ANO10: variants seen among roughly 807,000 people sequenced by gnomAD.
ANO10 encodes the protein anoctamin 10.
Under a neutral mutation model 74.7 loss-of-function variants are expected in ANO10, and 77 were observed. That is an observed-to-expected ratio of 1.03 (90% CI 0.86 to 1.25). The LOEUF is 1.25. ANO10 is among the 50% of genes most tolerant of loss of function. The pLI, the probability that ANO10 is intolerant of heterozygous loss-of-function variation, is 0.00. For synonymous variants in ANO10, 279 were observed against 284.9 expected, an observed-to-expected ratio of 0.98 and a Z score of 0.21; for missense variants, 721 against 778.1, an observed-to-expected ratio of 0.93 and a Z score of 0.87.
At chr3:43,407,938 A>C (rs2092604770) in intron 12 of ANO10, among the ~76,000 whole-genome samples, 1 of 152,238 alleles carries the variant, frequency 6.6e-6, no homozygotes, top group South Asian at 2.1e-4. Context: ...CTCTTGAGTC[A>C]TGCAGAGCTG....
intron 11 of ANO10, among the ~76,000 whole-genome samples, chr3:43,467,068 T>TA (rs894714623): frequency 6.3e-4 from 96 of 152,234 alleles, no homozygotes; most frequent in African/African-American, 2.1e-3. Context: ...TCAGAATGGC[T>TA]AAAAAAACTA....
intron 11 of ANO10, among the ~76,000 whole-genome samples, chr3:43,520,927 T>C (rs1011856265): frequency 6.6e-6 from 1 of 152,198 alleles, no homozygotes; most frequent in African/African-American, 2.4e-5. Flanking sequence ...ATAAATGGAA[T>C]TGTGTTCTTA....
chr3:43,589,546 G>A lies in ANO10; in HGVS notation c.472+8986C>T, dbSNP rs142574096. On this transcript the variant is annotated intron_variant, in intron 4 of 12. Coordinates refer to ENST00000292246, the MANE Select transcript of ANO10 (RefSeq NM_018075.5). Reference sequence around the variant, plus strand: ...GTAGAATTGCTTGAACCTGGGAGGCGGAGGTTGCAGTGAGCCAAGATCATG... The same window carrying A: ...GTAGAATTGCTTGAACCTGGGAGGCAGAGGTTGCAGTGAGCCAAGATCATG... 2.3e-3 allele frequency among the ~76,000 whole-genome samples: 355 copies of A among 152,154 alleles called. 2 individuals are homozygous for A. Among genetic ancestry groups the A allele is most frequent in the African/African-American group, 8.0e-3 (331 of 41,506 alleles).
At position 43,690,873 on chromosome 3, in the gene ANO10, G is replaced by A. The variant is rs1575595614; in HGVS notation, c.-12+644C>T. 3 of 1,141,088 alleles carry A rather than the reference G, an allele frequency of 2.6e-6. No homozygotes were observed. In the East Asian group the frequency reaches 9.6e-5, roughly 37 times the overall value. 70.7% of individuals were successfully genotyped at this position (1,141,088 alleles called of 1,614,324 possible). ...GGGCGCGCCGCCGGGCCGTGCTAGT[G>A]CGCGGAAGACGCATGCGCTGGCGGC... On this transcript the variant is annotated intron_variant, in intron 1 of 3. Coordinates refer to the ANO10 transcript ENST00000413397.
chr3:43,424,810 T>C (rs988727663), intron 12 of ANO10: 1 of 152,192 alleles, frequency 6.6e-6, no homozygotes, highest in Non-Finnish European at 1.5e-5. Context: ...AATTCTCCTG[T>C]CTTGATAAAT....
intron 11 of ANO10, among the ~76,000 whole-genome samples, chr3:43,466,388 C>CAAAAAAAAAAAAA (rs1205923618): frequency 9.1e-5 from 8 of 87,442 alleles, no homozygotes; most frequent in African/African-American, 1.2e-4. Context: ...AAAAAAAAAA[C>CAAAAAAAAAAAAA]AAACAAAAAA....
chr3:43,417,361 C>T (rs1374374377), intron 12 of ANO10, among the ~76,000 whole-genome samples: 1 of 152,082 alleles, frequency 6.6e-6, no homozygotes, highest in Non-Finnish European at 1.5e-5. Context: ...TAGGGTGGGG[C>T]GACCAGCCTT....
chr3:43,372,748 A>G (rs2125676878), intron 12 of ANO10: 1 of 1,134,824 alleles, frequency 8.8e-7, no homozygotes, highest in South Asian at 1.3e-5. Context: ...GTCTCCAGAG[A>G]GCAGGGCCAT....
intron 11 of ANO10, among the ~76,000 whole-genome samples, chr3:43,504,300 G>GTAGGTAGGTAGATAGATAGATAGA (rs71083075): frequency 1.4e-5 from 2 of 139,724 alleles, no homozygotes; most frequent in Non-Finnish European, 3.1e-5. Flanking sequence ...AGGTAGGTAG[G>GTAGGTAGGTAGATAGATAGATAGA]TAGATAGATA....
At chr3:43,642,283 G>T (rs1186004219) in intron 1 of ANO10, among the ~76,000 whole-genome samples, 4 of 152,074 alleles carry the variant, frequency 2.6e-5, no homozygotes, top group Non-Finnish European at 4.4e-5. Context: ...GAAAGTTTTG[G>T]TTTGTAATAA....
intron 12 of ANO10, among the ~76,000 whole-genome samples, chr3:43,429,120 C>T (rs77991763): frequency 8.6e-4 from 131 of 152,134 alleles, no homozygotes; most frequent in Non-Finnish European, 1.7e-3. Flanking sequence ...TAGCCATATC[C>T]ATAGTAAACA....
At chr3:43,595,630 T>C (rs918736224) in intron 4 of ANO10, among the ~76,000 whole-genome samples, 3 of 152,106 alleles carry the variant, frequency 2.0e-5, no homozygotes, top group Non-Finnish European at 2.9e-5. Flanking sequence ...TAAGAGCTAT[T>C]TATGACAAAC....
intron 11 of ANO10, among the ~76,000 whole-genome samples, chr3:43,483,611 T>C (rs901725090): frequency 2.6e-5 from 4 of 152,172 alleles, no homozygotes; most frequent in African/African-American, 9.7e-5. Flanking sequence ...GTAAAATATC[T>C]CAAGAGGTTT....
intron 6 of ANO10, among the ~76,000 whole-genome samples, chr3:43,575,801 C>T (rs998495639): frequency 6.6e-6 from 1 of 152,018 alleles, no homozygotes; most frequent in African/African-American, 2.4e-5. Flanking sequence ...CCACGCCCAG[C>T]TAAATTTTTT....
intron 11 of ANO10, among the ~76,000 whole-genome samples, chr3:43,532,660 A>C (rs1314725206): frequency 6.6e-6 from 1 of 152,236 alleles, no homozygotes; most frequent in Non-Finnish European, 1.5e-5. Flanking sequence ...AATCAGGTAC[A>C]GAACAGTTTC....
intron 12 of ANO10, among the ~76,000 whole-genome samples, chr3:43,377,408 G>A (rs2091838669): frequency 6.6e-6 from 1 of 152,112 alleles, no homozygotes; most frequent in South Asian, 2.1e-4. Flanking sequence ...TCTTCAGGAA[G>A]GCTCTCCCTC....
chr3:43,580,845 C>A (rs763489636), intron 4 of ANO10, among the ~76,000 whole-genome samples: 2 of 152,024 alleles, frequency 1.3e-5, no homozygotes, highest in South Asian at 4.1e-4. Flanking sequence ...ATTTTATACA[C>A]ACTATGTTGT....
At chr3:43,649,706 T>G (rs773642206) in intron 1 of ANO10, among the ~76,000 whole-genome samples, 1 of 151,908 alleles carries the variant, frequency 6.6e-6, no homozygotes, top group African/African-American at 2.4e-5. Flanking sequence ...GGAGACAGAG[T>G]TGGGATCCAA....
At chr3:43,461,198 G>A (rs1194475077) in intron 11 of ANO10, among the ~76,000 whole-genome samples, 1 of 152,090 alleles carries the variant, frequency 6.6e-6, no homozygotes, top group Admixed American at 6.6e-5. Flanking sequence ...ATCATTAAAT[G>A]TTCTATAGAA....
Sources: gnomAD v4.1 joint callset for allele counts (sites outside exome capture counted in the v4.1 genomes callset) on GRCh38, gnomAD v4.1.1 for gene constraint, MANE v1.5 for transcripts, NCBI Gene and HGNC (gene_info 2026-07-23, HGNC 2026-07-21) for gene names.